C16orf74: variants seen among roughly 807,000 people sequenced by gnomAD.
C16orf74 encodes calcimembrin.
C16orf74 carries 10 observed loss-of-function variants against 6.5 expected under a neutral mutation model. The ratio of observed to expected loss-of-function variants is 1.54; its 90% CI spans 0.95 to 2.61. C16orf74 has a LOEUF of 2.61. Ranked by LOEUF, C16orf74 falls within the 30% of genes most tolerant of loss-of-function variation. The pLI, the probability that C16orf74 is intolerant of heterozygous loss-of-function variation, is 0.00. For missense variants in C16orf74, 141 were observed against 105.9 expected, an observed-to-expected ratio of 1.33 and a Z score of -1.45; for synonymous variants, 60 against 42.5, an observed-to-expected ratio of 1.41 and a Z score of -1.60.
chr16:85,736,816 G>C (rs2054249919), intron 1 of C16orf74, among the ~76,000 whole-genome samples: 1 of 152,178 alleles, frequency 6.6e-6, no homozygotes, highest in Non-Finnish European at 1.5e-5. Context: ...CACTTTGGGA[G>C]GCCGAGGTGC....
chr16:85,710,272 GGCTGCTGCT>G lies in C16orf74; in HGVS notation c.55_63del (p.Ser19_Ser21del), dbSNP rs751825593. On this transcript the variant is annotated inframe_deletion, in exon 3 of 4. Transcript: ENST00000284245. Reference sequence around the variant, plus strand: ...TCGTTCAGGACGGGGGCCTCGTCGTGGCTGCTGCTGCTGCTGCTGACACACATTTGAAAG... The same window carrying G: ...TCGTTCAGGACGGGGGCCTCGTCGTGGCTGCTGCTGACACACATTTGAAAG... The G allele has an allele frequency of 1.4e-3, 2,067 of 1,510,024 alleles. 26 individuals are homozygous for G. In the African/African-American group the frequency reaches 0.027, roughly 19 times the overall value. 93.5% of individuals were successfully genotyped at this position (1,510,024 alleles called of 1,614,324 possible).
chr16:85,735,130 C>T, intron 2 of C16orf74, 60 bp downstream of exon 2: 2 of 1,517,106 alleles, frequency 1.3e-6, no homozygotes, highest in Non-Finnish European at 1.8e-6. Context: ...TCTCTCCTGC[C>T]CCCCAACCCA....
In C16orf74 at chr16:85,733,451, C is replaced by A. The variant is rs79212905; in HGVS notation, c.28+1739G>T. 2.0e-3 allele frequency among the ~76,000 whole-genome samples: 298 copies of A among 152,276 alleles called. 3 individuals carry two copies. The highest frequency in any genetic ancestry group is 6.4e-3 in the African/African-American group (266 of 41,558). The stretch of plus-strand genomic sequence containing the variant: ...AGAGTTTCAGTTGGAGATGATGAAA[C>A]CTTCATTCTGAAGACGGGTGGGGTG... On this transcript the variant is annotated intron_variant, in intron 2 of 3. Coordinates refer to ENST00000284245, the MANE Select transcript of C16orf74 (RefSeq NM_206967.3).
chr16:85,735,304 G>T, intron 1 of C16orf74, 69 bp from the exon 2 acceptor site: 2 of 1,240,158 alleles, frequency 1.6e-6, no homozygotes, highest in Admixed American at 4.8e-5. Context: ...GTGCAGCCGG[G>T]CCCCCACCCT....
intron 2 of C16orf74, among the ~76,000 whole-genome samples, chr16:85,720,886 G>A (rs144537683): frequency 0.01 from 1,584 of 151,480 alleles, 30 homozygotes; most frequent in African/African-American, 0.036. Flanking sequence ...GCAGGAGTTC[G>A]ATACCAGCCT....
intron 1 of C16orf74, among the ~76,000 whole-genome samples, chr16:85,740,827 CA>C (rs57813380): frequency 6.1e-5 from 6 of 97,900 alleles, no homozygotes; most frequent in African/African-American, 2.0e-4. Flanking sequence ...GTGAGACCCT[CA>C]AAAAAAAAAA....
At chr16:85,733,337 G>T (rs2054210404) in intron 2 of C16orf74, among the ~76,000 whole-genome samples, 1 of 152,172 alleles carries the variant, frequency 6.6e-6, no homozygotes. Context: ...CTGACACGAG[G>T]TCCCTAGAGC....
intron 1 of C16orf74, among the ~76,000 whole-genome samples, chr16:85,750,674 C>A (rs1323752873): frequency 6.6e-6 from 1 of 152,172 alleles, no homozygotes; most frequent in Non-Finnish European, 1.5e-5. Flanking sequence ...GGGGTCACAC[C>A]CCCACCGCCG....
intron 2 of C16orf74, among the ~76,000 whole-genome samples, chr16:85,731,732 GGCTGGAGT>G (rs2054190118): frequency 6.6e-6 from 1 of 152,064 alleles, no homozygotes; most frequent in Non-Finnish European, 1.5e-5. Context: ...CTGTCACCCA[GGCTGGAGT>G]GCAGTGGTGT....
intron 2 of C16orf74, among the ~76,000 whole-genome samples, chr16:85,733,814 C>A (rs1174440816): frequency 6.6e-6 from 1 of 152,106 alleles, no homozygotes; most frequent in Non-Finnish European, 1.5e-5. Context: ...TTGTGTCTGT[C>A]CGGCATCCCA....
At chr16:85,738,326 ATTT>A (rs368313117) in intron 1 of C16orf74, among the ~76,000 whole-genome samples, 4 of 135,682 alleles carry the variant, frequency 2.9e-5, no homozygotes, top group Admixed American at 7.4e-5. Context: ...TGGCATTGGG[ATTT>A]TTTTTTTTTT....
chr16:85,718,213 A>G (rs2054044466), intron 2 of C16orf74, among the ~76,000 whole-genome samples: 1 of 151,994 alleles, frequency 6.6e-6, no homozygotes, highest in South Asian at 2.1e-4. Context: ...GGGTGAAACT[A>G]CAGGCACTCT....
intron 1 of C16orf74, among the ~76,000 whole-genome samples, chr16:85,738,764 G>C (rs1278508785): frequency 6.6e-6 from 1 of 152,106 alleles, no homozygotes; most frequent in African/African-American, 2.4e-5. Flanking sequence ...GCCTGTGGGA[G>C]CGACAGGCAC....
At chr16:85,722,396 G>A (rs1180473343) in intron 2 of C16orf74, among the ~76,000 whole-genome samples, 2 of 152,200 alleles carry the variant, frequency 1.3e-5, no homozygotes, top group African/African-American at 4.8e-5. Flanking sequence ...GGGAACATGG[G>A]CCCTGTGGGC....
At chr16:85,724,079 T>G (rs1166623104) in intron 2 of C16orf74, among the ~76,000 whole-genome samples, 2 of 152,114 alleles carry the variant, frequency 1.3e-5, no homozygotes, top group Non-Finnish European at 2.9e-5. Context: ...CGGGCTACGT[T>G]TATTTTGTAG....
chr16:85,715,285 G>A (rs1260352619), intron 2 of C16orf74, among the ~76,000 whole-genome samples: 1 of 151,930 alleles, frequency 6.6e-6, no homozygotes, highest in Non-Finnish European at 1.5e-5. Context: ...ACAAAGGGAT[G>A]TGTTGCCACC....
chr16:85,742,310 T>C lies in C16orf74; in HGVS notation c.-18-7075A>G, dbSNP rs185223620. ...ATCGCTTGAACCTGGGAGCCAGAAG[T>C]TGCAGTGAGCCGAGATCATGCCACT... On this transcript the variant is annotated intron_variant, in intron 1 of 3. Transcript: ENST00000284245. Among the ~76,000 whole-genome samples, 335 of 152,188 alleles carry C rather than the reference T, an allele frequency of 2.2e-3. 1 individual carries two copies. The highest frequency in any genetic ancestry group is 7.8e-3 in the African/African-American group (324 of 41,538).
chr16:85,722,599 C>T (rs894224660), intron 2 of C16orf74, among the ~76,000 whole-genome samples: 34 of 152,360 alleles, frequency 2.2e-4, no homozygotes, highest in African/African-American at 7.9e-4. Flanking sequence ...GCCCAGGGCC[C>T]CAGGACTGCC....
chr16:85,733,786 G>A (rs569748891), intron 2 of C16orf74, among the ~76,000 whole-genome samples: 2 of 152,290 alleles, frequency 1.3e-5, no homozygotes, highest in African/African-American at 4.8e-5. Flanking sequence ...GCCAGGTCCT[G>A]GAGAGGACGT....
Sources: allele counts gnomAD v4.1 joint callset (sites outside exome capture counted in the v4.1 genomes callset), GRCh38; gene constraint gnomAD v4.1.1; transcripts MANE v1.5; gene names NCBI Gene and HGNC (gene_info 2026-07-23, HGNC 2026-07-21).